SLC24A1: variants seen among roughly 807,000 people sequenced by gnomAD.
SLC24A1 encodes sodium/potassium/calcium exchanger 1.
In SLC24A1, 52 loss-of-function variants were observed where a neutral mutation model predicts 88.1. The ratio of observed to expected loss-of-function variants is 0.59; its 90% CI spans 0.47 to 0.74. The LOEUF (loss-of-function observed/expected upper bound fraction) is 0.74, where lower values mean the gene tolerates loss of function less well. Ranked by LOEUF, SLC24A1 falls within the 30% of genes least tolerant of loss-of-function variation. The pLI is 0.00. For missense variants in SLC24A1, 1,173 were observed against 1,363.3 expected, an observed-to-expected ratio of 0.86 and a Z score of 2.20; for synonymous variants, 455 against 498.0, an observed-to-expected ratio of 0.91 and a Z score of 1.15.
At chr15:65,644,535 T>C in intron 5 of SLC24A1, 22 bp downstream of exon 5, 1 of 1,531,818 alleles carries the variant, frequency 6.5e-7, no homozygotes, top group Non-Finnish European at 8.9e-7. Flanking sequence ...GCCAGACCAG[T>C]GGGTTTTCTC....
downstream of SLC24A1, among the ~76,000 whole-genome samples, chr15:65,657,606 T>C (rs1015651471): frequency 2.0e-5 from 3 of 152,274 alleles, no homozygotes; most frequent in Non-Finnish European, 2.9e-5. Context: ...ATCGTGCCAC[T>C]GCACTCCAGC....
chr15:65,656,810 G>C (rs904991908), downstream of SLC24A1, among the ~76,000 whole-genome samples: 1 of 152,158 alleles, frequency 6.6e-6, no homozygotes, highest in African/African-American at 2.4e-5. Context: ...AGTCTATATA[G>C]TACCAGAAAA....
Position 65,655,178 on chromosome 15 carries a change from A to G in SLC24A1, c.*1099A>G, listed in dbSNP as rs886051354. 14 of 987,564 alleles carry G rather than the reference A, an allele frequency of 1.4e-5. No homozygotes were observed. Among genetic ancestry groups the G allele is most frequent in the South Asian group, 4.7e-5 (1 of 21,490 alleles). The allele number at this position is 987,564 out of a possible 1,614,324, so 61.2% of individuals were successfully genotyped here. ...CCACCCTCCAGCATGTTCTCACCCA[A>G]CAATGACAGTTGAGTGGAGTGGGAA... On this transcript the variant is annotated 3_prime_UTR_variant, in exon 10 of 10. Coordinates refer to ENST00000261892, the MANE Select transcript of SLC24A1 (RefSeq NM_004727.3).
chr15:65,629,209 T>G (rs984190639), intron 2 of SLC24A1, among the ~76,000 whole-genome samples: 3 of 152,258 alleles, frequency 2.0e-5, no homozygotes, highest in Non-Finnish European at 1.5e-5. Flanking sequence ...CTGATAGCTG[T>G]TGAGTTTCTG....
Position 65,653,936 on chromosome 15 carries a change from C to T in SLC24A1, c.3157C>T (p.Leu1053=). ...AATTGTTTTGCTTTTTCTCATGCTT[C>T]TGTTTGTGATCTCTTCAATTGCGTC... is the stretch of plus-strand genomic sequence containing the variant. The part of the protein sequence containing the change: ...CAIVLLFLML[L]FVISSIASCK... Residue 1053 remains leucine (L), a synonymous_variant, in exon 10 of 10, where the codon CTG becomes TTG. Coordinates refer to ENST00000261892, the MANE Select transcript of SLC24A1 (RefSeq NM_004727.3). 6.2e-7 allele frequency: 1 copy of T among 1,613,998 alleles called. No individual in the cohort carries two copies. The highest frequency in any genetic ancestry group is 8.5e-7 in the Non-Finnish European group (1 of 1,179,886).
intron 2 of SLC24A1, among the ~76,000 whole-genome samples, chr15:65,629,241 AC>A (rs1275174627): frequency 6.6e-6 from 1 of 152,150 alleles, no homozygotes; most frequent in Non-Finnish European, 1.5e-5. Context: ...CTTTCACTTT[AC>A]CGTTTATTCT....
At position 65,635,446 on chromosome 15, in the gene SLC24A1, CAAAAAAAAA is replaced by C. The variant is rs56960432; in HGVS notation, c.1891-2666_1891-2658del. 1.5e-4 allele frequency among the ~76,000 whole-genome samples: 9 copies of C among 58,356 alleles called. No individual in the cohort carries two copies. The South Asian group carries it at 6.2e-3, about 40-fold the overall frequency. 38.3% of individuals were successfully genotyped at this position (58,356 alleles called of 152,430 possible). The stretch of plus-strand genomic sequence containing the variant: ...TGGCAACAGAGTGAGACTCCGTCTC[CAAAAAAAAA>C]AAAAAAAAAAAAAAAGAAAAAAAAA... On this transcript the variant is annotated intron_variant, in intron 2 of 9. Coordinates refer to ENST00000261892, the MANE Select transcript of SLC24A1 (RefSeq NM_004727.3).
At position 65,656,249 on chromosome 15, in the gene SLC24A1, C is replaced by CTAA; in HGVS notation, c.*2175_*2177dup. 5 of 985,144 alleles carry CTAA rather than the reference C, an allele frequency of 5.1e-6. No homozygotes were observed. The highest frequency in any genetic ancestry group is 6.0e-6 in the Non-Finnish European group (5 of 829,664). 61.0% of individuals were successfully genotyped at this position (985,144 alleles called of 1,614,324 possible). On this transcript the variant is annotated 3_prime_UTR_variant, in exon 10 of 10. Coordinates refer to ENST00000261892, the MANE Select transcript of SLC24A1 (RefSeq NM_004727.3). ...ATCCACTGAATGATTAAAACCAACTCTAATAATCTGACATCCTTTTCCCAG... is the reference window on the plus strand; with the variant it reads ...ATCCACTGAATGATTAAAACCAACTCTAATAATAATCTGACATCCTTTTCCCAG...
intron 2 of SLC24A1, among the ~76,000 whole-genome samples, chr15:65,634,739 C>T (rs1361427097): frequency 2.6e-5 from 1 of 39,092 alleles, no homozygotes; most frequent in South Asian, 7.9e-4. Flanking sequence ...ATCAAAAGCA[C>T]CAAAAAAAAA....
At chr15:65,639,295 G>T (rs1355353236) in intron 3 of SLC24A1, among the ~76,000 whole-genome samples, 8 of 152,204 alleles carry the variant, frequency 5.3e-5, no homozygotes. Flanking sequence ...GGGTGTACTT[G>T]CAGGGATGTG....
intron 8 of SLC24A1, chr15:65,652,328 G>T: frequency 3.3e-6 from 1 of 303,738 alleles, no homozygotes; most frequent in Non-Finnish European, 6.2e-6. Context: ...CTCTTTGGAA[G>T]GGCAGTTCTT....
At chr15:65,621,132 G>T (rs1423094944), upstream of SLC24A1, among the ~76,000 whole-genome samples, 1 of 152,236 alleles carries the variant, frequency 6.6e-6, no homozygotes, top group Non-Finnish European at 1.5e-5. Context: ...TCAGATGAAA[G>T]TAACCCAAAG....
chr15:65,625,765 TC>T lies in SLC24A1; in HGVS notation c.1686del (p.Ser563ProfsTer7). ...NLTWWPLFRD[V>X]SFYILDLIML... ...ACCTGGTGGCCCTTATTCCGTGATGTCTCCTTCTACATCCTTGACCTGATAA... is the reference window on the plus strand; with the variant it reads ...ACCTGGTGGCCCTTATTCCGTGATGTTCCTTCTACATCCTTGACCTGATAA... On this transcript the variant is annotated frameshift_variant, in exon 2 of 10. Coordinates refer to ENST00000261892, the MANE Select transcript of SLC24A1 (RefSeq NM_004727.3). LOFTEE classifies it high-confidence loss of function. 1 of 1,614,072 alleles carries T rather than the reference TC, an allele frequency of 6.2e-7. No homozygotes were observed. Among genetic ancestry groups the T allele is most frequent in the Non-Finnish European group, 8.5e-7 (1 of 1,179,890 alleles).
intron 1 of SLC24A1, among the ~76,000 whole-genome samples, chr15:65,622,406 G>A (rs921095793): frequency 6.6e-6 from 1 of 152,158 alleles, no homozygotes; most frequent in African/African-American, 2.4e-5. Context: ...AGAAAGGGGA[G>A]TTAGGAGGCT....
At chr15:65,618,962 C>G (rs1259815368), upstream of SLC24A1, 3 of 152,242 alleles carry the variant, frequency 2.0e-5, no homozygotes, top group Non-Finnish European at 4.4e-5. Flanking sequence ...GTGCCACCAC[C>G]TGCATCCCCC....
intron 7 of SLC24A1, among the ~76,000 whole-genome samples, chr15:65,651,430 T>C (rs998435678): frequency 6.6e-6 from 1 of 152,156 alleles, no homozygotes; most frequent in African/African-American, 2.4e-5. Context: ...CTTTCTTCCA[T>C]CTGGTGACTG....
upstream of SLC24A1, among the ~76,000 whole-genome samples, chr15:65,620,721 T>C (rs1320465467): frequency 6.6e-6 from 1 of 152,210 alleles, no homozygotes; most frequent in Non-Finnish European, 1.5e-5. Flanking sequence ...GATTTCCTTC[T>C]CCCCTGAATT....
downstream of SLC24A1, chr15:65,658,504 C>T (rs1030198580): frequency 6.6e-6 from 1 of 152,172 alleles, no homozygotes; most frequent in Non-Finnish European, 1.5e-5. Flanking sequence ...ATTTTCATAT[C>T]GCATATTACA....
intron 4 of SLC24A1, among the ~76,000 whole-genome samples, chr15:65,642,338 C>T (rs1324721677): frequency 6.6e-6 from 1 of 152,178 alleles, no homozygotes; most frequent in African/African-American, 2.4e-5. Flanking sequence ...AGGGGCTTAT[C>T]CTCTCCAGGG....
Sources: allele counts gnomAD v4.1 joint callset (sites outside exome capture counted in the v4.1 genomes callset), GRCh38; gene constraint gnomAD v4.1.1; transcripts MANE v1.5; gene names NCBI Gene and HGNC (gene_info 2026-07-23, HGNC 2026-07-21).